CNBD1: variants seen among roughly 807,000 people sequenced by gnomAD.
CNBD1 encodes the protein cyclic nucleotide-binding domain-containing protein 1.
CNBD1 carries 71 observed loss-of-function variants against 54.4 expected under a neutral mutation model. The observed-to-expected ratio is 1.30, with a 90% CI of 1.08 to 1.59. The LOEUF (loss-of-function observed/expected upper bound fraction) is 1.59. Among genes scored for constraint, CNBD1 ranks in the 40% most tolerant of loss-of-function variants. The pLI is 0.00. For synonymous variants in CNBD1, 182 were observed against 170.7 expected (o/e 1.07, Z -0.51); for missense variants, 659 against 518.0 (o/e 1.27, Z -2.64).
At chr8:87,081,054 A>G (rs1810980274) in intron 4 of CNBD1, among the ~76,000 whole-genome samples, 1 of 150,476 alleles carries the variant, frequency 6.6e-6, no homozygotes, top group African/African-American at 2.4e-5. Flanking sequence ...TTTGTGTTTA[A>G]TTTGCTCTTC....
At chr8:87,113,060 C>T (rs1378618135) in intron 4 of CNBD1, among the ~76,000 whole-genome samples, 3 of 152,152 alleles carry the variant, frequency 2.0e-5, no homozygotes, top group Non-Finnish European at 4.4e-5. Flanking sequence ...TAGAGACTGT[C>T]CTCTCCAGAA....
chr8:87,378,470 G>A (rs996792026), intron 10 of CNBD1, among the ~76,000 whole-genome samples: 2 of 151,026 alleles, frequency 1.3e-5, no homozygotes, highest in African/African-American at 4.9e-5. Context: ...TTGTAGATAT[G>A]TGGCATTATT....
Position 87,316,391 on chromosome 8 carries a change from A to C in CNBD1, c.1042+29720A>C, listed in dbSNP as rs74629310. Among the ~76,000 whole-genome samples the C allele has an allele frequency of 9.0e-3, 1,362 of 152,114 alleles. 18 individuals are homozygous for C. The highest frequency in any genetic ancestry group is 0.03 in the African/African-American group (1,266 of 41,518). On this transcript the variant is annotated intron_variant, in intron 8 of 10. Transcript: ENST00000518476. ...TGCTTATCACACTGGCAAATTTTTG[A>C]AATTTTATTAATGTATGAAATTTTC...
intron 4 of CNBD1, among the ~76,000 whole-genome samples, chr8:87,092,349 GTGTGTGTGTGTGTGTGTGTATGTA>G (rs1203960684): frequency 8.3e-5 from 12 of 144,380 alleles, no homozygotes; most frequent in Admixed American, 8.2e-4. Context: ...GGCTCAGTGT[GTGTGTGTGTGTGTGTGTGTATGTA>G]TGTGTGTGTG....
intron 6 of CNBD1, among the ~76,000 whole-genome samples, chr8:87,245,741 TATTAA>T (rs1440118229): frequency 6.6e-5 from 10 of 152,076 alleles, no homozygotes; most frequent in African/African-American, 2.2e-4. Flanking sequence ...TCTTTTTACC[TATTAA>T]TTTATAAGAC....
intron 5 of CNBD1, among the ~76,000 whole-genome samples, chr8:87,226,054 G>A (rs1814480133): frequency 6.6e-6 from 1 of 151,932 alleles, no homozygotes; most frequent in Non-Finnish European, 1.5e-5. Flanking sequence ...TTCTCTGATG[G>A]TAGTTTGTAT....
chr8:87,038,824 A>C (rs1376557884), intron 4 of CNBD1, among the ~76,000 whole-genome samples: 2 of 152,216 alleles, frequency 1.3e-5, no homozygotes, highest in Non-Finnish European at 2.9e-5. Flanking sequence ...GTTAGATCAG[A>C]TCTCTTTCAG....
At chr8:87,008,815 T>C (rs1294244385) in intron 4 of CNBD1, among the ~76,000 whole-genome samples, 1 of 152,144 alleles carries the variant, frequency 6.6e-6, no homozygotes, top group African/African-American at 2.4e-5. Flanking sequence ...TCCTTATAAA[T>C]AAAACATTCT....
intron 2 of CNBD1, among the ~76,000 whole-genome samples, chr8:87,409,406 T>C (rs1464407577): frequency 1.3e-5 from 2 of 152,134 alleles, no homozygotes; most frequent in Non-Finnish European, 2.9e-5. Context: ...TCATGAGCTT[T>C]AAGGAAAGAA....
At chr8:87,315,714 C>A (rs962530312) in intron 8 of CNBD1, among the ~76,000 whole-genome samples, 3 of 151,886 alleles carry the variant, frequency 2.0e-5, no homozygotes, top group African/African-American at 7.3e-5. Flanking sequence ...GGTAAAATAT[C>A]CATAGCAGCT....
At chr8:86,940,395 G>A (rs1390442098) in intron 4 of CNBD1, among the ~76,000 whole-genome samples, 1 of 152,082 alleles carries the variant, frequency 6.6e-6, no homozygotes, top group Non-Finnish European at 1.5e-5. Context: ...TCGAACTCCT[G>A]ACCTCAGGTG....
chr8:87,237,102 A>AT lies in CNBD1; in HGVS notation c.762dup (p.Asp255Ter), dbSNP rs1368771355. The AT allele has an allele frequency of 6.2e-7, 1 of 1,602,746 alleles. No individual in the cohort carries two copies. Among genetic ancestry groups the AT allele is most frequent in the Non-Finnish European group, 8.5e-7 (1 of 1,172,946 alleles). On this transcript the variant is annotated frameshift_variant, in exon 6 of 11. Transcript: ENST00000518476. LOFTEE classifies it high-confidence loss of function. ...CTTGCTGAGATGTACCTACCTTCAT[A>AT]TGACTCAATGGTAAGAGATGAGTAT...
intron 4 of CNBD1, among the ~76,000 whole-genome samples, chr8:87,090,699 C>T (rs1269806463): frequency 6.6e-6 from 1 of 152,010 alleles, no homozygotes; most frequent in African/African-American, 2.4e-5. Flanking sequence ...AAATTTTCTT[C>T]TAAATCAGGT....
intron 1 of CNBD1, among the ~76,000 whole-genome samples, chr8:86,879,132 T>C (rs1349120670): frequency 2.0e-5 from 3 of 152,180 alleles, no homozygotes; most frequent in African/African-American, 7.2e-5. Flanking sequence ...TTTTTCTTGA[T>C]TTGATTTTCA....
chr8:86,979,055 C>T (rs1178181659), intron 4 of CNBD1, among the ~76,000 whole-genome samples: 1 of 151,848 alleles, frequency 6.6e-6, no homozygotes, highest in Non-Finnish European at 1.5e-5. Context: ...AATGTTAAGA[C>T]TAGTAATGTT....
rs554871494 is a variant in CNBD1, at chr8:87,248,799, C to T, written c.771+11687C>T. On this transcript the variant is annotated intron_variant, in intron 6 of 10. Transcript: ENST00000518476. ...ATCTTCCAGTGACATTTGGTTTTTACTCATTTTGGCTATGGTTAGCTTGTG... is the reference window on the plus strand; with the variant it reads ...ATCTTCCAGTGACATTTGGTTTTTATTCATTTTGGCTATGGTTAGCTTGTG... Among the ~76,000 whole-genome samples the T allele has an allele frequency of 2.0e-5, 3 of 152,192 alleles. No homozygotes were observed. The South Asian group carries it at 6.2e-4, about 32-fold the overall frequency.
chr8:87,183,200 A>G (rs978224566), intron 4 of CNBD1, among the ~76,000 whole-genome samples: 1 of 152,118 alleles, frequency 6.6e-6, no homozygotes, highest in African/African-American at 2.4e-5. Flanking sequence ...GTCAAAGAAC[A>G]GATGGTTGTA....
chr8:87,414,224 G>A (rs1211197707), intron 2 of CNBD1, among the ~76,000 whole-genome samples: 1 of 152,076 alleles, frequency 6.6e-6, no homozygotes, highest in Non-Finnish European at 1.5e-5. Flanking sequence ...CCTTTGTAGG[G>A]ACATGGATGA....
intron 2 of CNBD1, among the ~76,000 whole-genome samples, chr8:87,416,982 T>C (rs537650639): frequency 6.6e-6 from 1 of 152,178 alleles, no homozygotes; most frequent in East Asian, 1.9e-4. Flanking sequence ...AATCCATGAA[T>C]GTAATATCAA....
Sources: allele counts gnomAD v4.1 joint callset (sites outside exome capture counted in the v4.1 genomes callset), GRCh38; gene constraint gnomAD v4.1.1; transcripts MANE v1.5; gene names NCBI Gene and HGNC (gene_info 2026-07-23, HGNC 2026-07-21).